Variants in PKIG observed in about 807,000 individuals in gnomAD.
PKIG encodes the protein protein kinase (cAMP-dependent, catalytic) inhibitor gamma.
A neutral mutation model predicts 6.8 loss-of-function variants in PKIG; 1 was observed. That is an observed-to-expected ratio of 0.15 (90% CI 0.05 to 0.69). PKIG has a LOEUF of 0.69. PKIG is among the 30% of genes least tolerant of loss of function. PKIG has a pLI of 0.82. For missense variants in PKIG, 77 were observed against 104.0 expected, an observed-to-expected ratio of 0.74 and a Z score of 1.13; for synonymous variants, 39 against 43.0, an observed-to-expected ratio of 0.91 and a Z score of 0.36.
At chr20:44,587,331 A>C (rs1423328417) in intron 1 of PKIG, among the ~76,000 whole-genome samples, 1 of 152,160 alleles carries the variant, frequency 6.6e-6, no homozygotes, top group Non-Finnish European at 1.5e-5. Flanking sequence ...CTCTCCCTAC[A>C]ATTCCTGGCT....
Position 44,615,064 on chromosome 20 carries a change from G to A in PKIG, c.151+357G>A, listed in dbSNP as rs1002665259. Among the ~76,000 whole-genome samples, 8 of 151,724 alleles carry A rather than the reference G, an allele frequency of 5.3e-5. No homozygotes were observed. In the East Asian group the frequency reaches 7.8e-4, roughly 15 times the overall value. ...CCCTGGGCTCCCTACACCCATCTCCGCCCTTCCTGTTCAGCTCTATGCAGC... is the reference window on the plus strand; with the variant it reads ...CCCTGGGCTCCCTACACCCATCTCCACCCTTCCTGTTCAGCTCTATGCAGC... On this transcript the variant is annotated intron_variant, in intron 3 of 3. Coordinates refer to ENST00000372886, the MANE Select transcript of PKIG (RefSeq NM_001281445.2).
chr20:44,601,852 C>T lies in PKIG; in HGVS notation c.-24+11986C>T, dbSNP rs537467734. ...GAGCTTGTAATGGAATCTGCCTGAGCAATGAGGACTAATAGCTGCAGACTT... is the reference window on the plus strand; with the variant it reads ...GAGCTTGTAATGGAATCTGCCTGAGTAATGAGGACTAATAGCTGCAGACTT... On this transcript the variant is annotated intron_variant, in intron 2 of 3. Transcript: ENST00000372886. 3.3e-5 allele frequency among the ~76,000 whole-genome samples: 5 copies of T among 152,336 alleles called. No individual in the cohort carries two copies. The South Asian group carries it at 1.0e-3, about 32-fold the overall frequency.
At chr20:44,598,260 G>C (rs1227411703) in intron 2 of PKIG, among the ~76,000 whole-genome samples, 2 of 152,192 alleles carry the variant, frequency 1.3e-5, no homozygotes, top group African/African-American at 4.8e-5. Flanking sequence ...AGAGAGCTAG[G>C]TGAAAGCTGT....
intron 1 of PKIG, among the ~76,000 whole-genome samples, chr20:44,560,768 A>G (rs2064759603): frequency 6.6e-6 from 1 of 152,196 alleles, no homozygotes; most frequent in Admixed American, 6.5e-5. Flanking sequence ...GTTCTCAAGT[A>G]ATAATGCCAT....
intron 2 of PKIG, among the ~76,000 whole-genome samples, chr20:44,596,261 A>G (rs1286748143): frequency 6.6e-6 from 1 of 152,264 alleles, no homozygotes; most frequent in African/African-American, 2.4e-5. Context: ...CTGAGTCATT[A>G]TTAGGAAGAA....
chr20:44,607,314 G>GGT (rs11472265), intron 2 of PKIG, among the ~76,000 whole-genome samples: 13,298 of 147,556 alleles, frequency 0.09, 719 homozygotes, highest in South Asian at 0.15. Flanking sequence ...TTGTTTCCAA[G>GGT]GTGTGTGTGT....
intron 2 of PKIG, among the ~76,000 whole-genome samples, chr20:44,597,842 C>T (rs1474262028): frequency 7.2e-5 from 11 of 152,222 alleles, no homozygotes; most frequent in Non-Finnish European, 1.3e-4. Context: ...TCCTGCCCTT[C>T]CTTCAGAGCT....
chr20:44,535,729 G>C (rs886379672), intron 1 of PKIG, among the ~76,000 whole-genome samples: 3 of 152,194 alleles, frequency 2.0e-5, no homozygotes, highest in Admixed American at 6.5e-5. Context: ...TTACGGTACA[G>C]TATGTTACTG....
intron 2 of PKIG, among the ~76,000 whole-genome samples, chr20:44,595,575 A>G (rs1379246665): frequency 6.6e-6 from 1 of 152,140 alleles, no homozygotes; most frequent in Non-Finnish European, 1.5e-5. Flanking sequence ...GTGCAGTGGC[A>G]TGATCTTGGC....
chr20:44,558,079 A>G (rs1267479978), intron 1 of PKIG, among the ~76,000 whole-genome samples: 3 of 151,360 alleles, frequency 2.0e-5, no homozygotes, highest in East Asian at 1.9e-4. Flanking sequence ...AAAAAGGACA[A>G]TGAATATGTA....
intron 3 of PKIG, among the ~76,000 whole-genome samples, chr20:44,616,721 C>T (rs1481549332): frequency 6.6e-6 from 1 of 152,224 alleles, no homozygotes; most frequent in East Asian, 1.9e-4. Flanking sequence ...AGTGACTGGC[C>T]AAGGAGCCTT....
At chr20:44,534,022 GAGTT>G (rs2064491076) in intron 1 of PKIG, among the ~76,000 whole-genome samples, 1 of 152,200 alleles carries the variant, frequency 6.6e-6, no homozygotes, top group East Asian at 1.9e-4. Flanking sequence ...TCAGTGGGAT[GAGTT>G]AAGAGTGGGA....
At chr20:44,610,486 T>TC (rs1568835253) in intron 2 of PKIG, among the ~76,000 whole-genome samples, 3 of 110,502 alleles carry the variant, frequency 2.7e-5, no homozygotes, top group African/African-American at 1.2e-4. Context: ...CTCTCTCTCT[T>TC]CTCTCTCTCT....
chr20:44,556,383 G>T (rs1367411078), intron 1 of PKIG, among the ~76,000 whole-genome samples: 1 of 152,048 alleles, frequency 6.6e-6, no homozygotes, highest in Non-Finnish European at 1.5e-5. Context: ...TGTTTTTTGA[G>T]ATGGAGTCTG....
chr20:44,541,075 T>G (rs1239268699), intron 1 of PKIG, among the ~76,000 whole-genome samples: 1 of 152,150 alleles, frequency 6.6e-6, no homozygotes, highest in Non-Finnish European at 1.5e-5. Flanking sequence ...GCATGGGAAT[T>G]CAGCGGAGGG....
Position 44,582,749 on chromosome 20 carries a change from C to G in PKIG, c.-94+18C>G, listed in dbSNP as rs543297728. The G allele has an allele frequency of 6.6e-6, 1 of 152,472 alleles. No homozygotes were observed. The highest frequency in any genetic ancestry group is 1.5e-5 in the Non-Finnish European group (1 of 68,038). 9.4% of individuals were successfully genotyped at this position (152,472 alleles called of 1,614,324 possible). A position where few individuals can be genotyped will look rare whatever the true frequency, so the allele number is the denominator to read the frequency against. ...TTGGTCTTGTAAGTAGAACTTTACTCTCCTCCCCTGCCCAACACCCCCAGG... is the reference window on the plus strand; with the variant it reads ...TTGGTCTTGTAAGTAGAACTTTACTGTCCTCCCCTGCCCAACACCCCCAGG... On this transcript the variant is annotated intron_variant, in intron 1 of 3. Transcript: ENST00000372886.
chr20:44,608,466 A>T (rs961633030), intron 2 of PKIG, among the ~76,000 whole-genome samples: 10 of 152,222 alleles, frequency 6.6e-5, no homozygotes, highest in Non-Finnish European at 1.3e-4. Context: ...TGACACATCC[A>T]TTTAGGAACT....
chr20:44,544,837 TAC>T (rs2064596192), intron 1 of PKIG, among the ~76,000 whole-genome samples: 1 of 152,164 alleles, frequency 6.6e-6, no homozygotes, highest in Admixed American at 6.6e-5. Flanking sequence ...ATGTCAGCTA[TAC>T]CCTGTATTTG....
Position 44,592,736 on chromosome 20 carries a change from T to G in PKIG, c.-24+2870T>G, listed in dbSNP as rs1408327056. Among the ~76,000 whole-genome samples, 14 of 152,048 alleles carry G rather than the reference T, an allele frequency of 9.2e-5. No individual in the cohort carries two copies. In the East Asian group the frequency reaches 2.5e-3, roughly 27 times the overall value. ...CTTTGAGAGGAGCCTCTGAAGCCAG[T>G]GGAGAGAGTAAAAAGTGAGAATCCT... On this transcript the variant is annotated intron_variant, in intron 2 of 3. Coordinates refer to ENST00000372886, the MANE Select transcript of PKIG (RefSeq NM_001281445.2).
Sources: gnomAD v4.1 joint callset for allele counts (sites outside exome capture counted in the v4.1 genomes callset) on GRCh38, gnomAD v4.1.1 for gene constraint, MANE v1.5 for transcripts, NCBI Gene and HGNC (gene_info 2026-07-23, HGNC 2026-07-21) for gene names.